Variants in SAMD8 observed in about 807,000 individuals in gnomAD.
SAMD8 encodes the protein sphingomyelin synthase-related protein 1.
A neutral mutation model predicts 42.0 loss-of-function variants in SAMD8; 20 were observed. The observed-to-expected ratio is 0.48, with a 90% CI of 0.34 to 0.69. SAMD8 has a LOEUF of 0.69. SAMD8 is among the 30% of genes least tolerant of loss of function. The pLI is 0.01. For missense variants in SAMD8, 328 were observed against 511.6 expected (o/e 0.64, Z 3.46); for synonymous variants, 162 against 173.0 (o/e 0.94, Z 0.50).
At chr10:75,107,949 T>C, upstream of SAMD8, 2 of 1,568,526 alleles carry the variant, frequency 1.3e-6, no homozygotes, top group South Asian at 1.2e-5. Context: ...ATCCTCCCCA[T>C]GAATGAGCAA....
At chr10:75,111,438 C>T (rs1848764601), upstream of SAMD8, 1 of 1,091,122 alleles carries the variant, frequency 9.2e-7, no homozygotes, top group Admixed American at 4.4e-5. Flanking sequence ...AGTGTGGGCC[C>T]CGCCCCCTGC....
Position 75,150,772 on chromosome 10 carries a change from G to A in SAMD8, c.244G>A (p.Val82Ile). 3.7e-6 allele frequency: 6 copies of A among 1,614,144 alleles called. No homozygotes were observed. Among genetic ancestry groups the A allele is most frequent in the African/African-American group, 1.3e-5 (1 of 75,042 alleles). ...VRKLQKIHID[V>I]LEEMGYNSDS... ...AAAATTGCAGAAAATACATATTGATGTTTTAGAAGAGATGGGCTACAACAG... is the reference window on the plus strand; with the variant it reads ...AAAATTGCAGAAAATACATATTGATATTTTAGAAGAGATGGGCTACAACAG... Residue 82 changes from valine to isoleucine, a missense_variant, in exon 2 of 6, where the codon GTT (valine) becomes ATT (isoleucine). Physicochemically the swap from Val to Ile is conservative, Grantham distance 29 (BLOSUM62 3). Coordinates refer to ENST00000542569, the MANE Select transcript of SAMD8 (RefSeq NM_001174156.2).
chr10:75,139,136 T>G (rs1022989784), intron 1 of SAMD8, among the ~76,000 whole-genome samples: 4 of 151,846 alleles, frequency 2.6e-5, no homozygotes, highest in Non-Finnish European at 5.9e-5. Flanking sequence ...AATTTTTTTT[T>G]TTTTGCATTT....
At chr10:75,174,223 G>A (rs954926767) in intron 4 of SAMD8, among the ~76,000 whole-genome samples, 12 of 151,980 alleles carry the variant, frequency 7.9e-5, no homozygotes, top group African/African-American at 2.9e-4. Context: ...TCCACCTACC[G>A]GGTTCACGCC....
intron 1 of SAMD8, chr10:75,105,744 C>T: frequency 6.4e-7 from 1 of 1,554,418 alleles, no homozygotes; most frequent in Non-Finnish European, 8.7e-7. Flanking sequence ...TGGGGAAGAC[C>T]CATCGGTGCT....
In SAMD8 at chr10:75,105,912, C is replaced by T. The variant is rs1191057147; in HGVS notation, c.-16+6184C>T. ...TGAAAAACCCTGTCCCACACACCGGCCCACCCACGGGCTGGGATGGGGACC... is the reference window on the plus strand; with the variant it reads ...TGAAAAACCCTGTCCCACACACCGGTCCACCCACGGGCTGGGATGGGGACC... On this transcript the variant is annotated intron_variant, in intron 1 of 3. Transcript: ENST00000447533. 3 of 1,526,718 alleles carry T rather than the reference C, an allele frequency of 2.0e-6. No individual in the cohort carries two copies. In the East Asian group the frequency reaches 7.4e-5, roughly 38 times the overall value. The allele number at this position is 1,526,718 out of a possible 1,614,324, so 94.6% of individuals were successfully genotyped here.
In SAMD8 at chr10:75,178,813, G is replaced by C. The variant is rs1564699574; in HGVS notation, c.*2121G>C. On this transcript the variant is annotated 3_prime_UTR_variant, in exon 6 of 6. Coordinates refer to ENST00000542569, the MANE Select transcript of SAMD8 (RefSeq NM_001174156.2). ...GGAGGCCAAGGCAGGCGGATGGCTT[G>C]AGGTCAGGAGTTCGAGATTAGCCTG... 1 of 152,444 alleles carries C rather than the reference G, an allele frequency of 6.6e-6. No individual in the cohort carries two copies. Among genetic ancestry groups the C allele is most frequent in the East Asian group, 1.9e-4 (1 of 5,190 alleles). The allele number at this position is 152,444 out of a possible 1,614,324, so 9.4% of individuals were successfully genotyped here.
At chr10:75,144,152 G>T (rs1056631618) in intron 1 of SAMD8, among the ~76,000 whole-genome samples, 2 of 151,752 alleles carry the variant, frequency 1.3e-5, no homozygotes, top group Non-Finnish European at 2.9e-5. Context: ...TATTTTTAGT[G>T]GAGATGGGGT....
At position 75,120,774 on chromosome 10, in the gene SAMD8, CTTTTTT is replaced by C. The variant is rs111866437; in HGVS notation, c.-16+9071_-16+9076del. Among the ~76,000 whole-genome samples the C allele has an allele frequency of 1.1e-4, 9 of 80,168 alleles. 1 individual carries two copies. The highest frequency in any genetic ancestry group is 4.6e-4 in the African/African-American group (9 of 19,734). The allele number at this position is 80,168 out of a possible 152,430, so 52.6% of individuals were successfully genotyped here. A position where few individuals can be genotyped will look rare whatever the true frequency, so the allele number is the denominator to read the frequency against. ...TGTTATGTTGAAAAGTAATTTCCAT[CTTTTTT>C]TTTTTTTTTTTTTTTTTTGAGACGA... On this transcript the variant is annotated intron_variant, in intron 1 of 5. Coordinates refer to ENST00000542569, the MANE Select transcript of SAMD8 (RefSeq NM_001174156.2).
intron 2 of SAMD8, among the ~76,000 whole-genome samples, chr10:75,155,029 C>G (rs1162423272): frequency 2.0e-5 from 3 of 152,148 alleles, no homozygotes; most frequent in Non-Finnish European, 2.9e-5. Flanking sequence ...GTCACTACGA[C>G]TGCAGGTGTG....
rs146828451 is a variant in SAMD8, at chr10:75,156,613, G to A, written c.578+5507G>A. The stretch of plus-strand genomic sequence containing the variant: ...ATGTGCATTGGACGTGATGTCCACA[G>A]CATCACCTATGTAATCATCTTGTCC... On this transcript the variant is annotated intron_variant, in intron 2 of 5. Coordinates refer to ENST00000542569, the MANE Select transcript of SAMD8 (RefSeq NM_001174156.2). 3.7e-3 allele frequency among the ~76,000 whole-genome samples: 563 copies of A among 151,762 alleles called. 1 individual carries two copies. Among genetic ancestry groups the A allele is most frequent in the African/African-American group, 0.011 (450 of 41,328 alleles).
intron 4 of SAMD8, among the ~76,000 whole-genome samples, chr10:75,173,129 T>A (rs192044040): frequency 2.6e-5 from 4 of 152,342 alleles, no homozygotes; most frequent in Admixed American, 2.6e-4. Context: ...CTCTAATGAC[T>A]GTTTTTATCA....
intron 1 of SAMD8, among the ~76,000 whole-genome samples, chr10:75,138,288 C>T (rs924593635): frequency 2.0e-5 from 3 of 152,116 alleles, no homozygotes; most frequent in Non-Finnish European, 2.9e-5. Context: ...AGAGGTGATT[C>T]GTAGATGGCA....
intron 1 of SAMD8, among the ~76,000 whole-genome samples, chr10:75,126,030 T>C (rs1230079985): frequency 1.3e-5 from 2 of 152,260 alleles, no homozygotes; most frequent in Non-Finnish European, 2.9e-5. Context: ...TACATACTGA[T>C]GGTTCACCAC....
At chr10:75,104,090 G>C (rs1848346358) in intron 1 of SAMD8, 1 of 1,350,234 alleles carries the variant, frequency 7.4e-7, no homozygotes, top group Non-Finnish European at 9.9e-7. Context: ...AGGGAGTAAG[G>C]ACCAGCTCTG....
intron 2 of SAMD8, among the ~76,000 whole-genome samples, 192 bp downstream of exon 2, chr10:75,151,298 G>C (rs1406343446): frequency 6.6e-6 from 1 of 152,138 alleles, no homozygotes; most frequent in Non-Finnish European, 1.5e-5. Context: ...GCCTAGGTGT[G>C]TGAGAAAAAC....
At chr10:75,153,858 G>A (rs1368402937) in intron 2 of SAMD8, among the ~76,000 whole-genome samples, 3 of 151,220 alleles carry the variant, frequency 2.0e-5, no homozygotes, top group African/African-American at 7.3e-5. Flanking sequence ...TCTGCCTCCC[G>A]GGTTCAAGCT....
intron 1 of SAMD8, among the ~76,000 whole-genome samples, chr10:75,117,631 T>G (rs1224780758): frequency 6.6e-6 from 1 of 151,998 alleles, no homozygotes; most frequent in African/African-American, 2.4e-5. Flanking sequence ...GCAGGAGAAT[T>G]GCTTGATCCC....
At chr10:75,118,230 A>G (rs1236399417) in intron 1 of SAMD8, among the ~76,000 whole-genome samples, 1 of 152,224 alleles carries the variant, frequency 6.6e-6, no homozygotes, top group Non-Finnish European at 1.5e-5. Context: ...ACAAAACAGA[A>G]AATCACCACT....
Sources: allele counts gnomAD v4.1 joint callset (sites outside exome capture counted in the v4.1 genomes callset), GRCh38; gene constraint gnomAD v4.1.1; transcripts MANE v1.5; gene names NCBI Gene and HGNC (gene_info 2026-07-23, HGNC 2026-07-21).